Variants in CARD10 observed in about 807,000 individuals in gnomAD.
The protein encoded by CARD10 is caspase recruitment domain-containing protein 10.
In CARD10, 49 loss-of-function variants were observed where a neutral mutation model predicts 114.6. The observed-to-expected ratio is 0.43, with a 90% confidence interval of 0.34 to 0.54. CARD10 has a LOEUF of 0.54. Ranked by LOEUF, CARD10 falls within the 20% of genes least tolerant of loss-of-function variation. The pLI, the probability that CARD10 is intolerant of heterozygous loss-of-function variation, is 0.03. For synonymous variants in CARD10, 602 were observed against 593.2 expected (o/e 1.01, Z -0.21); for missense variants, 1,206 against 1,397.2 (o/e 0.86, Z 2.18).
Position 37,519,147 on chromosome 22 carries a change from C to A in CARD10, c.54G>T (p.Ser18=). The change falls in exon 1 of 20, where the codon TCG becomes TCT. Residue 18 remains serine (S), a synonymous_variant. Transcript: ENST00000251973. The surrounding 1 kb of genome is among the most constrained non-coding windows in gnomAD (Gnocchi z 4.1). ...GCGCGTCCTCCTCCGCCTCAGACCC[C>A]GAGCCGGCCCCGGCCTCCTCCTCGG... ...GEAEEEAGAG[S]GSEAEEDALW... 6.5e-7 allele frequency: 1 copy of A among 1,546,850 alleles called. No individual in the cohort carries two copies. The highest frequency in any genetic ancestry group is 8.7e-7 in the Non-Finnish European group (1 of 1,152,844).
In CARD10 at chr22:37,497,009, A is replaced by G. The variant is rs2145755525; in HGVS notation, c.1947+10T>C. On this transcript the variant is annotated intron_variant, in intron 12 of 19. Coordinates refer to ENST00000251973, the MANE Select transcript of CARD10 (RefSeq NM_014550.4). ...ACCCTACCCCCCCAGCTCAGGAGGC[A>G]GGGCCTCACCTCTCTTGGTTCCATC... 1 of 1,602,848 alleles carries G rather than the reference A, an allele frequency of 6.2e-7. No homozygotes were observed. Among genetic ancestry groups the G allele is most frequent in the Non-Finnish European group, 8.5e-7 (1 of 1,175,134 alleles).
chr22:37,500,637 T>C (rs1029977901), intron 11 of CARD10, among the ~76,000 whole-genome samples: 1 of 152,070 alleles, frequency 6.6e-6, no homozygotes, highest in African/African-American at 2.4e-5. Flanking sequence ...GGGCACACAA[T>C]ACGGATGTGA....
intron 3 of CARD10, among the ~76,000 whole-genome samples, chr22:37,515,093 A>G (rs1330445816): frequency 6.6e-6 from 1 of 152,218 alleles, no homozygotes; most frequent in Non-Finnish European, 1.5e-5. Context: ...TCCTTTCACT[A>G]ATCTGAGTCT....
chr22:37,506,836 T>A (rs1923428639), intron 6 of CARD10, among the ~76,000 whole-genome samples: 1 of 152,176 alleles, frequency 6.6e-6, no homozygotes, highest in Non-Finnish European at 1.5e-5. Flanking sequence ...TCCAGACCTG[T>A]CACCCATGCC....
intron 3 of CARD10, among the ~76,000 whole-genome samples, chr22:37,511,531 AAAG>A (rs1463003806): frequency 2.8e-5 from 4 of 142,634 alleles, no homozygotes; most frequent in East Asian, 4.2e-4. Context: ...AAGAAGAAAG[AAAG>A]AAGGAGAAAA....
chr22:37,517,779 G>C (rs890480058), intron 2 of CARD10, among the ~76,000 whole-genome samples, 192 bp downstream of exon 2: 2 of 152,216 alleles, frequency 1.3e-5, no homozygotes, highest in African/African-American at 4.8e-5. Context: ...TCTGAACTTG[G>C]AATAACGGCA....
Position 37,516,204 on chromosome 22 carries a change from T to C in CARD10, c.468A>G (p.Gln156=). The change falls in exon 3 of 20, where the codon CAA becomes CAG. Residue 156 remains glutamine (Q), a synonymous_variant. Coordinates refer to ENST00000251973, the MANE Select transcript of CARD10 (RefSeq NM_014550.4). ...CGAGCACCCGGCCCCGGGCCTGCAG[T>C]TGCTGCTCCCGCTGCAGCTGGCTCT... is the stretch of plus-strand genomic sequence containing the variant. ...ARKSQLQREQ[Q]LQARGRVLEE... is the part of the protein sequence containing the mutation. The C allele has an allele frequency of 6.3e-7, 1 of 1,598,008 alleles. No individual in the cohort carries two copies. Among genetic ancestry groups the C allele is most frequent in the Non-Finnish European group, 8.5e-7 (1 of 1,173,364 alleles).
At chr22:37,508,466 A>T in intron 5 of CARD10, 61 bp downstream of exon 5, 1 of 1,479,912 alleles carries the variant, frequency 6.8e-7, no homozygotes, top group Non-Finnish European at 9.0e-7. Flanking sequence ...GGAAGGCGTG[A>T]GCACACAGGC....
At chr22:37,499,266 C>T (rs1456470657) in intron 11 of CARD10, among the ~76,000 whole-genome samples, 2 of 151,796 alleles carry the variant, frequency 1.3e-5, no homozygotes, top group Non-Finnish European at 2.9e-5. Flanking sequence ...CTCCACCCAC[C>T]TCCCTGGCTA....
In CARD10 at chr22:37,496,388, T is replaced by G. The variant is rs1434731456; in HGVS notation, c.2059+61A>C. 4.0e-6 allele frequency: 5 copies of G among 1,248,008 alleles called. No individual in the cohort carries two copies. Among genetic ancestry groups the G allele is most frequent in the Non-Finnish European group, 5.8e-6 (5 of 867,634 alleles). The allele number at this position is 1,248,008 out of a possible 1,614,324, so 77.3% of individuals were successfully genotyped here. ...AGGTCCTTGGTCCCTCCCCACCCCA[T>G]GCACCACGGGTTAGAGGACCCCTCT... On this transcript the variant is annotated intron_variant, in intron 13 of 19. Coordinates refer to ENST00000251973, the MANE Select transcript of CARD10 (RefSeq NM_014550.4). The surrounding 1 kb of genome is among the most constrained non-coding windows in gnomAD (Gnocchi z 4.1).
chr22:37,499,046 T>C (rs1382439578), intron 11 of CARD10, among the ~76,000 whole-genome samples: 11 of 152,000 alleles, frequency 7.2e-5, no homozygotes, highest in Non-Finnish European at 1.3e-4. Flanking sequence ...GATAATGCTA[T>C]GGAATAGAAA....
rs1449165057 is a variant in CARD10, at chr22:37,495,956, C to A, written c.2107G>T (p.Gly703Cys). The change falls in exon 14 of 20, where the codon GGT (glycine) becomes TGT (cysteine). Residue 703 changes from glycine to cysteine, a missense_variant. Gly to Cys is a radical substitution (Grantham distance 159). Coordinates refer to ENST00000251973, the MANE Select transcript of CARD10 (RefSeq NM_014550.4). ...GCACGAATGTAGAAGGGCTCGGCAC[C>A]TGGTCCCTTTGCCCAGGCTTCTAGG... is the stretch of plus-strand genomic sequence containing the variant. ...EALEAWAKGP[G>C]AEPFYIRANL... 3 of 1,614,038 alleles carry A rather than the reference C, an allele frequency of 1.9e-6. No homozygotes were observed. The highest frequency in any genetic ancestry group is 2.7e-5 in the African/African-American group (2 of 74,952).
chr22:37,494,960 GT>G (rs928150870), intron 15 of CARD10, among the ~76,000 whole-genome samples: 4 of 149,462 alleles, frequency 2.7e-5, no homozygotes, highest in Admixed American at 6.6e-5. Flanking sequence ...CTGCTGGTTT[GT>G]TTTTTTTGTT....
At chr22:37,510,490 G>A in intron 3 of CARD10, 69 bp from the exon 4 acceptor site, 1 of 1,416,898 alleles carries the variant, frequency 7.1e-7, no homozygotes, top group Non-Finnish European at 9.8e-7. Context: ...GGGGTGGGAA[G>A]ACCTGCTCCC....
chr22:37,491,607 G>GAGAC, intron 19 of CARD10, 148 bp downstream of exon 19: 1 of 398,652 alleles, frequency 2.5e-6, no homozygotes. Context: ...GAGAAGGAGG[G>GAGAC]GGGAGGGGGA....
rs374971945 is a variant in CARD10 at position 37,491,112 on chromosome 22, C to T, written c.*47G>A. 28 of 1,443,040 alleles carry T rather than the reference C, an allele frequency of 1.9e-5. No individual in the cohort carries two copies. The South Asian group carries it at 3.1e-4, about 16-fold the overall frequency. The allele number at this position is 1,443,040 out of a possible 1,614,324, so 89.4% of individuals were successfully genotyped here. Reference sequence around the variant, plus strand: ...GAGGGCCCAGCTTCACCATAGACACCAGGGTCCACGCTGGCTTGGGGAGAA... The same window carrying T: ...GAGGGCCCAGCTTCACCATAGACACTAGGGTCCACGCTGGCTTGGGGAGAA... On this transcript the variant is annotated 3_prime_UTR_variant, in exon 20 of 20. Transcript: ENST00000251973.
At position 37,510,272 on chromosome 22, in the gene CARD10, C is replaced by G. The variant is rs1487701717; in HGVS notation, c.849G>C (p.Leu283=). The change falls in exon 4 of 20, where the codon CTG becomes CTC. Residue 283 remains leucine (L), a synonymous_variant. Coordinates refer to ENST00000251973, the MANE Select transcript of CARD10 (RefSeq NM_014550.4). ...EPDNVDLVSE[L]RAENQRLTAS... ...CCGTCAGCCGCTGGTTCTCAGCACG[C>G]AGCTCAGAGACAAGGTCCACATTGT... The G allele has an allele frequency of 6.2e-7, 1 of 1,604,552 alleles. No homozygotes were observed. The highest frequency in any genetic ancestry group is 1.3e-5 in the African/African-American group (1 of 74,818).
At chr22:37,507,784 A>G in intron 6 of CARD10, 45 bp downstream of exon 6, 1 of 1,611,994 alleles carries the variant, frequency 6.2e-7, no homozygotes, top group East Asian at 2.2e-5. Flanking sequence ...CCCATATGGG[A>G]AGCAGCAACT....
intron 9 of CARD10, 60 bp from the exon 10 acceptor site, chr22:37,503,273 G>A (rs1207683838): frequency 1.1e-5 from 17 of 1,487,668 alleles, no homozygotes; most frequent in African/African-American, 2.8e-5. Flanking sequence ...ACTCTGCCCC[G>A]CTCCCTCCTC....
Sources: allele counts gnomAD v4.1 joint callset (sites outside exome capture counted in the v4.1 genomes callset), GRCh38; gene constraint gnomAD v4.1.1; non-coding constraint Gnocchi (gnomAD v3.1); transcripts MANE v1.5; gene names NCBI Gene and HGNC (gene_info 2026-07-23, HGNC 2026-07-21).